Variants in HOXA11 observed in about 807,000 individuals in gnomAD.
The protein encoded by HOXA11 is homeobox A11.
HOXA11 carries 8 observed loss-of-function variants against 22.5 expected under a neutral mutation model. The ratio of observed to expected loss-of-function variants is 0.36; its 90% CI spans 0.21 to 0.64. The LOEUF (loss-of-function observed/expected upper bound fraction) is 0.64. Ranked by LOEUF, HOXA11 falls within the 30% of genes least tolerant of loss-of-function variation. The pLI, the probability that HOXA11 is intolerant of heterozygous loss-of-function variation, is 0.67. For synonymous variants in HOXA11, 211 were observed against 188.4 expected, an observed-to-expected ratio of 1.12 and a Z score of -0.98; for missense variants, 388 against 429.0, an observed-to-expected ratio of 0.90 and a Z score of 0.84.
In HOXA11 at chr7:27,185,207, C is replaced by G. The variant is rs1783845304; in HGVS notation, c.-63G>C. 1 of 1,610,170 alleles carries G rather than the reference C, an allele frequency of 6.2e-7. No homozygotes were observed. ...TAACATGATTCTCCACTGCAGCTGC[C>G]TCTTTGAAGCGGATCCGTGAAGTAG... On this transcript the variant is annotated 5_prime_UTR_variant, in exon 1 of 2. Transcript: ENST00000006015.
At chr7:27,183,663 G>A (rs1459310444) in intron 1 of HOXA11, among the ~76,000 whole-genome samples, 1 of 150,880 alleles carries the variant, frequency 6.6e-6, no homozygotes, top group African/African-American at 2.4e-5. Context: ...TCCTGCACAC[G>A]GCAGAGCAGC....
In HOXA11 at chr7:27,185,083, T is replaced by C. The variant is rs772007389; in HGVS notation, c.62A>G (p.Tyr21Cys). The C allele has an allele frequency of 3.1e-6, 5 of 1,614,094 alleles. No individual in the cohort carries two copies. Among genetic ancestry groups the C allele is most frequent in the Non-Finnish European group, 1.7e-6 (2 of 1,180,010 alleles). ...SNMYLPSCTYYVSGPDFSSLP... is the reference protein window; with the variant it reads ...SNMYLPSCTYCVSGPDFSSLP... ...GCTGGAGAAATCTGGACCCGAGACG[T>C]AGTAAGTACAACTTGGCAAATACAT... Residue 21 changes from tyrosine (Y) to cysteine (C), a missense_variant, in exon 1 of 2, where the codon TAC (tyrosine) becomes TGC (cysteine). Tyr to Cys is a radical substitution (Grantham distance 194). Around this residue, in one of 4 missense-constraint regions of HOXA11, gnomAD observed 26 missense variants for 26.5 expected, o/e 0.98. Transcript: ENST00000006015.
chr7:27,181,864 T>A lies in HOXA11; in HGVS notation c.*932A>T, dbSNP rs1783773632. On this transcript the variant is annotated 3_prime_UTR_variant, in exon 2 of 2. Transcript: ENST00000006015. ...TGTTTTGGGGGACTCAAGGCCCTCA[T>A]AGCCAAAGCTGGGGACCTGCTGGCC... 1 of 223,990 alleles carries A rather than the reference T, an allele frequency of 4.5e-6. No homozygotes were observed. The highest frequency in any genetic ancestry group is 2.2e-5 in the African/African-American group (1 of 44,800). The allele number at this position is 223,990 out of a possible 1,614,324, so 13.9% of individuals were successfully genotyped here. A position where few individuals can be genotyped will look rare whatever the true frequency, so the allele number is the denominator to read the frequency against.
At chr7:27,183,741 C>T (rs1783805555) in intron 1 of HOXA11, among the ~76,000 whole-genome samples, 2 of 108,962 alleles carry the variant, frequency 1.8e-5, no homozygotes, top group South Asian at 5.8e-4. Flanking sequence ...CTACTTGCTC[C>T]CCCTTTAAAA....
rs774243650 is a variant in HOXA11, at chr7:27,183,044, A to T, written c.710-16T>A. ...CGTTGGCCACCTGTGGAGGGAGAAA[A>T]GGCATGGGGTGAGCCAGGTGTGGGG... is the stretch of plus-strand genomic sequence containing the variant. On this transcript the variant is annotated splice_polypyrimidine_tract_variant and intron_variant, in intron 1 of 1. Coordinates refer to ENST00000006015, the MANE Select transcript of HOXA11 (RefSeq NM_005523.6). The T allele has an allele frequency of 3.2e-6, 5 of 1,578,742 alleles. No homozygotes were observed. Among genetic ancestry groups the T allele is most frequent in the Non-Finnish European group, 8.7e-7 (1 of 1,149,232 alleles).
In HOXA11 at chr7:27,182,636, AAG is replaced by A; in HGVS notation, c.*158_*159del. 1.4e-6 allele frequency: 1 copy of A among 695,696 alleles called. No homozygotes were observed. The highest frequency in any genetic ancestry group is 2.6e-6 in the Non-Finnish European group (1 of 378,990). The allele number at this position is 695,696 out of a possible 1,614,324, so 43.1% of individuals were successfully genotyped here. A position where few individuals can be genotyped will look rare whatever the true frequency, so the allele number is the denominator to read the frequency against. On this transcript the variant is annotated 3_prime_UTR_variant, in exon 2 of 2. Transcript: ENST00000006015. The stretch of plus-strand genomic sequence containing the variant: ...AATCTTAACCACTGAGATCTTAATC[AAG>A]AGAGTCCCAGACCACCTCCTGTGGG...
At chr7:27,183,119 G>T in intron 1 of HOXA11, 91 bp from the exon 2 acceptor site, 2 of 853,276 alleles carry the variant, frequency 2.3e-6, no homozygotes, top group Non-Finnish European at 3.8e-6. Context: ...CTGCCATGGG[G>T]ACTGGTGGTC....
chr7:27,184,947 G>A lies in HOXA11; in HGVS notation c.198C>T (p.Ala66=). 6.2e-7 allele frequency: 1 copy of A among 1,613,844 alleles called. No homozygotes were observed. The highest frequency in any genetic ancestry group is 8.5e-7 in the Non-Finnish European group (1 of 1,179,890). Residue 66 remains alanine (A), a synonymous_variant, in exon 1 of 2, where the codon GCC becomes GCT. Coordinates refer to ENST00000006015, the MANE Select transcript of HOXA11 (RefSeq NM_005523.6). ...PVREVTFREY[A]IEPATKWHPR... is the part of the protein sequence containing the mutation. ...GGTGCCATTTAGTGGCGGGCTCAATGGCGTACTCTCTGAAGGTCACTTCGC... is the reference window on the plus strand; with the variant it reads ...GGTGCCATTTAGTGGCGGGCTCAATAGCGTACTCTCTGAAGGTCACTTCGC...
intron 1 of HOXA11, among the ~76,000 whole-genome samples, chr7:27,183,496 C>T (rs1334389200): frequency 6.6e-6 from 1 of 152,218 alleles, no homozygotes; most frequent in Non-Finnish European, 1.5e-5. Flanking sequence ...ACTGGGCAGT[C>T]CTTAACATCT....
In HOXA11 at chr7:27,182,595, T is replaced by G. The variant is rs1783789266; in HGVS notation, c.*201A>C. The G allele has an allele frequency of 6.3e-6, 4 of 634,846 alleles. No homozygotes were observed. The highest frequency in any genetic ancestry group is 1.8e-5 in the African/African-American group (1 of 55,220). 39.3% of individuals were successfully genotyped at this position (634,846 alleles called of 1,614,324 possible). A position where few individuals can be genotyped will look rare whatever the true frequency, so the allele number is the denominator to read the frequency against. On this transcript the variant is annotated 3_prime_UTR_variant, in exon 2 of 2. Coordinates refer to ENST00000006015, the MANE Select transcript of HOXA11 (RefSeq NM_005523.6). The stretch of plus-strand genomic sequence containing the variant: ...TCTAGCTGATGCACAGCTCTCAGAA[T>G]CCAATGATTATTAGGAATCTTAACC...
At position 27,184,424 on chromosome 7, in the gene HOXA11, CT is replaced by C; in HGVS notation, c.709+11del. Reference sequence around the variant, plus strand: ...CCTTTCATAAAGCGCAGGGCGCTGCCTTTATACGTACTGGAGCCGCCGGCCT... The same window carrying C: ...CCTTTCATAAAGCGCAGGGCGCTGCCTTATACGTACTGGAGCCGCCGGCCT... On this transcript the variant is annotated intron_variant, in intron 1 of 1. Transcript: ENST00000006015. 6.3e-7 allele frequency: 1 copy of C among 1,577,168 alleles called. No individual in the cohort carries two copies.
chr7:27,182,531 G>C lies in HOXA11; in HGVS notation c.*265C>G. 1 of 524,140 alleles carries C rather than the reference G, an allele frequency of 1.9e-6. No individual in the cohort carries two copies. The highest frequency in any genetic ancestry group is 3.4e-6 in the Non-Finnish European group (1 of 289,908). 32.5% of individuals were successfully genotyped at this position (524,140 alleles called of 1,614,324 possible). On this transcript the variant is annotated 3_prime_UTR_variant, in exon 2 of 2. Coordinates refer to ENST00000006015, the MANE Select transcript of HOXA11 (RefSeq NM_005523.6). ...CCACACCCAGCCCGCAGCTCTGCAG[G>C]CTCCAAGAGTGAACCACCAGGGGTC... is the stretch of plus-strand genomic sequence containing the variant.
Position 27,185,152 on chromosome 7 carries a change from C to T in HOXA11, c.-8G>A, listed in dbSNP as rs1562516486. The T allele has an allele frequency of 1.2e-6, 2 of 1,613,728 alleles. No individual in the cohort carries two copies. Among genetic ancestry groups the T allele is most frequent in the Non-Finnish European group, 1.7e-6 (2 of 1,180,012 alleles). ...ACGCTCATCAAAATCCATTATTGGG[C>T]TACCTTGGGCTCTCCGCAGTAGCCG... On this transcript the variant is annotated 5_prime_UTR_variant, in exon 1 of 2. It removes the in-frame stop codon of an upstream open reading frame in the 5' UTR. Transcript: ENST00000006015.
chr7:27,182,116 G>T lies in HOXA11; in HGVS notation c.*680C>A, dbSNP rs766837551. ...CAGGCTGGAACCAAGACCCTCATTT[G>T]GTAGAAAGAAAAGCCAGGTGGGCTG... On this transcript the variant is annotated 3_prime_UTR_variant, in exon 2 of 2. Coordinates refer to ENST00000006015, the MANE Select transcript of HOXA11 (RefSeq NM_005523.6). 8.0e-5 allele frequency: 19 copies of T among 236,998 alleles called. No individual in the cohort carries two copies. The highest frequency in any genetic ancestry group is 1.5e-4 in the Non-Finnish European group (18 of 120,286). The allele number at this position is 236,998 out of a possible 1,614,324, so 14.7% of individuals were successfully genotyped here.
rs1194708824 is a variant in HOXA11, at chr7:27,181,726, A to C, written c.*1070T>G. 5.7e-6 allele frequency: 1 copy of C among 175,610 alleles called. No homozygotes were observed. Among genetic ancestry groups the C allele is most frequent in the Non-Finnish European group, 1.2e-5 (1 of 81,922 alleles). 10.9% of individuals were successfully genotyped at this position (175,610 alleles called of 1,614,324 possible). A position where few individuals can be genotyped will look rare whatever the true frequency, so the allele number is the denominator to read the frequency against. ...GGGAAATATATATATATATAATATA[A>C]TATTTATCTTTTAAAATAATTCCAC... On this transcript the variant is annotated 3_prime_UTR_variant, in exon 2 of 2. Transcript: ENST00000006015.
chr7:27,182,663 G>T lies in HOXA11; in HGVS notation c.*133C>A. On this transcript the variant is annotated 3_prime_UTR_variant, in exon 2 of 2. Transcript: ENST00000006015. ...GAGAGTCCCAGACCACCTCCTGTGGGGCTATCTCCATGCATCCCTCTCTTG... is the reference window on the plus strand; with the variant it reads ...GAGAGTCCCAGACCACCTCCTGTGGTGCTATCTCCATGCATCCCTCTCTTG... 1.4e-6 allele frequency: 1 copy of T among 729,372 alleles called. No homozygotes were observed. Among genetic ancestry groups the T allele is most frequent in the Non-Finnish European group, 2.5e-6 (1 of 395,066 alleles). The allele number at this position is 729,372 out of a possible 1,614,324, so 45.2% of individuals were successfully genotyped here. A position where few individuals can be genotyped will look rare whatever the true frequency, so the allele number is the denominator to read the frequency against.
rs2115462541 is a variant in HOXA11 at position 27,184,533 on chromosome 7, C to T, written c.612G>A (p.Ala204=). ...GCCGCTCTTTCTCCTCTGCTGCCGC[C>T]GCCGTCTCCCGGCAGCCGCCGCCGC... ...SGGGGGCRET[A]AAAEEKERRR... Residue 204 remains alanine, a synonymous_variant, in exon 1 of 2, where the codon GCG becomes GCA. Transcript: ENST00000006015. 1 of 1,500,862 alleles carries T rather than the reference C, an allele frequency of 6.7e-7. No homozygotes were observed. The highest frequency in any genetic ancestry group is 8.9e-7 in the Non-Finnish European group (1 of 1,122,006). 93.0% of individuals were successfully genotyped at this position (1,500,862 alleles called of 1,614,324 possible).
At chr7:27,183,100 G>A in intron 1 of HOXA11, 72 bp from the exon 2 acceptor site, 2 of 1,028,366 alleles carry the variant, frequency 1.9e-6, no homozygotes, top group African/African-American at 1.6e-5. Flanking sequence ...CCATAGCTGA[G>A]GAGAAGGGCT....
rs1241642500 is a variant in HOXA11, at chr7:27,183,041, A to G, written c.710-13T>C. ...GTGCGTTGGCCACCTGTGGAGGGAGAAAAGGCATGGGGTGAGCCAGGTGTG... is the reference window on the plus strand; with the variant it reads ...GTGCGTTGGCCACCTGTGGAGGGAGGAAAGGCATGGGGTGAGCCAGGTGTG... On this transcript the variant is annotated splice_polypyrimidine_tract_variant and intron_variant, in intron 1 of 1. Coordinates refer to ENST00000006015, the MANE Select transcript of HOXA11 (RefSeq NM_005523.6). 5.7e-6 allele frequency: 9 copies of G among 1,588,546 alleles called. No individual in the cohort carries two copies. The highest frequency in any genetic ancestry group is 6.9e-6 in the Non-Finnish European group (8 of 1,157,978).
Sources: allele counts gnomAD v4.1 joint callset (sites outside exome capture counted in the v4.1 genomes callset), GRCh38; gene constraint gnomAD v4.1.1; regional missense constraint gnomAD v4.1.1; transcripts MANE v1.5; gene names NCBI Gene and HGNC (gene_info 2026-07-23, HGNC 2026-07-21).